EPS8: variants seen among roughly 807,000 people sequenced by gnomAD.
EPS8 encodes epidermal growth factor receptor kinase substrate 8.
In EPS8, 42 loss-of-function variants were observed where a neutral mutation model predicts 103.8. The ratio of observed to expected loss-of-function variants is 0.40; its 90% CI spans 0.32 to 0.52. The LOEUF is 0.52. Among genes scored for constraint, EPS8 ranks in the 20% least tolerant of loss-of-function variants. The probability of loss-of-function intolerance (pLI) is 0.40; values close to 1 mark genes in which losing one functional copy is unlikely to be tolerated. For synonymous variants in EPS8, 344 were observed against 344.6 expected (o/e 1.00, Z 0.02); for missense variants, 969 against 1,005.1 (o/e 0.96, Z 0.49).
intron 1 of EPS8, among the ~76,000 whole-genome samples, chr12:15,694,835 TTGAC>T (rs1415845755): frequency 1.3e-5 from 2 of 152,198 alleles, no homozygotes; most frequent in South Asian, 4.1e-4. Context: ...AATATAAGCT[TTGAC>T]TGTGAATAGC....
chr12:15,662,055 TCTCA>T lies in EPS8; in HGVS notation c.777_780del (p.Glu260Ter). 32 of 1,613,976 alleles carry T rather than the reference TCTCA, an allele frequency of 2.0e-5. No homozygotes were observed. Among genetic ancestry groups the T allele is most frequent in the Non-Finnish European group, 2.7e-5 (32 of 1,179,828 alleles). On this transcript the variant is annotated frameshift_variant, in exon 9 of 21. Transcript: ENST00000281172. LOFTEE classifies it high-confidence loss of function. Reference sequence around the variant, plus strand: ...TCTCTGTCAATGCGGGCTGCCATCATCTCAGGTGTTTCTTCCTGCTCATGATACT... The same window carrying T: ...TCTCTGTCAATGCGGGCTGCCATCATGGTGTTTCTTCCTGCTCATGATACT...
chr12:15,665,550 C>T, intron 8 of EPS8: 2 of 545,600 alleles, frequency 3.7e-6, no homozygotes, highest in Non-Finnish European at 6.4e-6. Flanking sequence ...ATGCTGGTCT[C>T]AAACTCCTGA....
chr12:15,641,376 T>G (rs1165888444), intron 16 of EPS8, among the ~76,000 whole-genome samples: 1 of 111,554 alleles, frequency 9.0e-6, no homozygotes, highest in Admixed American at 9.0e-5. Flanking sequence ...AAAAAAAGAA[T>G]GTTGTCTCTT....
chr12:15,647,953 C>G (rs1351205781), intron 14 of EPS8, among the ~76,000 whole-genome samples: 1 of 152,206 alleles, frequency 6.6e-6, no homozygotes, highest in Non-Finnish European at 1.5e-5. Context: ...TGTTCCTCCT[C>G]AGATCATCAG....
chr12:15,702,187 A>G lies in EPS8; in HGVS notation c.-21-19215T>C, dbSNP rs887161533. On this transcript the variant is annotated intron_variant, in intron 1 of 20. Coordinates refer to ENST00000281172, the MANE Select transcript of EPS8 (RefSeq NM_004447.6). The surrounding 1 kb of genome is among the most constrained non-coding windows in gnomAD (Gnocchi z 5.1). ...GTGCTTAGAGCAGCAGCCTAAGGAAACAGAATATATTCCCCCTGTTAACAC... is the reference window on the plus strand; with the variant it reads ...GTGCTTAGAGCAGCAGCCTAAGGAAGCAGAATATATTCCCCCTGTTAACAC... 6.6e-6 allele frequency among the ~76,000 whole-genome samples: 1 copy of G among 152,192 alleles called. No homozygotes were observed. The highest frequency in any genetic ancestry group is 2.4e-5 in the African/African-American group (1 of 41,440).
Position 15,769,315 on chromosome 12 carries a change from C to A in EPS8, c.-22+19846G>T, listed in dbSNP as rs1050870643. 1.3e-5 allele frequency among the ~76,000 whole-genome samples: 2 copies of A among 152,098 alleles called. No individual in the cohort carries two copies. Among genetic ancestry groups the A allele is most frequent in the Non-Finnish European group, 2.9e-5 (2 of 68,020 alleles). ...TCATTATTAACATAAAATTGTAACT[C>A]TACTTTTGCCAATTTTATCAAGACT... On this transcript the variant is annotated intron_variant, in intron 1 of 20. Coordinates refer to ENST00000281172, the MANE Select transcript of EPS8 (RefSeq NM_004447.6). This position sits in a 1 kb window ranked among gnomAD's most constrained non-coding sequence, Gnocchi z 4.6.
rs1318312221 is a variant in EPS8 at position 15,747,837 on chromosome 12, G to A, written c.-22+41324C>T. Among the ~76,000 whole-genome samples the A allele has an allele frequency of 1.3e-5, 2 of 152,030 alleles. No individual in the cohort carries two copies. The highest frequency in any genetic ancestry group is 2.9e-5 in the Non-Finnish European group (2 of 68,008). ...AGATCGAGACCATCCTGGCTAACAC[G>A]GTGAAACCCCGTCTCTACTAAAAAT... On this transcript the variant is annotated intron_variant, in intron 1 of 20. Coordinates refer to ENST00000281172, the MANE Select transcript of EPS8 (RefSeq NM_004447.6). The surrounding 1 kb of genome is among the most constrained non-coding windows in gnomAD (Gnocchi z 4.4).
In EPS8 at chr12:15,778,223, C is replaced by G. The variant is rs981957266; in HGVS notation, c.-22+10938G>C. On this transcript the variant is annotated intron_variant, in intron 1 of 20. Transcript: ENST00000281172. The surrounding 1 kb of genome is among the most constrained non-coding windows in gnomAD (Gnocchi z 4.5). ...GAGAATTAATGCACACGAAAATCTT[C>G]AGAGGGTGATTTTCAACAATGATTA... is the stretch of plus-strand genomic sequence containing the variant. Among the ~76,000 whole-genome samples, 1 of 152,136 alleles carries G rather than the reference C, an allele frequency of 6.6e-6. No homozygotes were observed. The highest frequency in any genetic ancestry group is 2.4e-5 in the African/African-American group (1 of 41,444).
Position 15,780,359 on chromosome 12 carries a change from T to G in EPS8, c.-22+8802A>C, listed in dbSNP as rs879900966. Among the ~76,000 whole-genome samples, 1 of 151,952 alleles carries G rather than the reference T, an allele frequency of 6.6e-6. No individual in the cohort carries two copies. Among genetic ancestry groups the G allele is most frequent in the Non-Finnish European group, 1.5e-5 (1 of 68,018 alleles). ...GCTCATCTTTCTACCTGGAGAGAGATGAGCGTCTCGCTTTGCCTCAAAAAT... is the reference window on the plus strand; with the variant it reads ...GCTCATCTTTCTACCTGGAGAGAGAGGAGCGTCTCGCTTTGCCTCAAAAAT... On this transcript the variant is annotated intron_variant, in intron 1 of 20. Transcript: ENST00000281172. The surrounding 1 kb of genome is among the most constrained non-coding windows in gnomAD (Gnocchi z 4.1).
chr12:15,718,132 G>A (rs984304132), intron 1 of EPS8, among the ~76,000 whole-genome samples: 3 of 152,244 alleles, frequency 2.0e-5, no homozygotes, highest in Admixed American at 2.0e-4. Flanking sequence ...TATAACCTTT[G>A]GTGAGTAACT....
intron 13 of EPS8, among the ~76,000 whole-genome samples, chr12:15,651,524 A>C (rs1411088228): frequency 1.3e-5 from 2 of 152,192 alleles, no homozygotes; most frequent in Non-Finnish European, 2.9e-5. Context: ...CCTAAACTGA[A>C]ACAGATGGCC....
chr12:15,688,763 C>T lies in EPS8; in HGVS notation c.-21-5791G>A, dbSNP rs1946130864. 6.6e-6 allele frequency among the ~76,000 whole-genome samples: 1 copy of T among 152,156 alleles called. No individual in the cohort carries two copies. Among genetic ancestry groups the T allele is most frequent in the African/African-American group, 2.4e-5 (1 of 41,430 alleles). Reference sequence around the variant, plus strand: ...CTCTAAGCCCACGTGTGATCCGATTCTTCCCATACGCCAAGGCAATAACCC... The same window carrying T: ...CTCTAAGCCCACGTGTGATCCGATTTTTCCCATACGCCAAGGCAATAACCC... On this transcript the variant is annotated intron_variant, in intron 1 of 20. Coordinates refer to ENST00000281172, the MANE Select transcript of EPS8 (RefSeq NM_004447.6). This position sits in a 1 kb window ranked among gnomAD's most constrained non-coding sequence, Gnocchi z 5.1.
rs2136015587 is a variant in EPS8 at position 15,748,639 on chromosome 12, T to G, written c.-22+40522A>C. ...AAACACGTAGCTTTCATTCCTTTCA[T>G]CTGATATAAAGAAAAGAAAATATGC... On this transcript the variant is annotated intron_variant, in intron 1 of 20. Transcript: ENST00000281172. This position sits in a 1 kb window ranked among gnomAD's most constrained non-coding sequence, Gnocchi z 4.8. Among the ~76,000 whole-genome samples the G allele has an allele frequency of 6.6e-6, 1 of 152,316 alleles. No homozygotes were observed. Among genetic ancestry groups the G allele is most frequent in the Admixed American group, 6.5e-5 (1 of 15,306 alleles).
rs1358705146 is a variant in EPS8 at position 15,717,448 on chromosome 12, G to A, written c.-21-34476C>T. Among the ~76,000 whole-genome samples the A allele has an allele frequency of 6.6e-6, 1 of 152,012 alleles. No homozygotes were observed. Among genetic ancestry groups the A allele is most frequent in the Non-Finnish European group, 1.5e-5 (1 of 67,978 alleles). On this transcript the variant is annotated intron_variant, in intron 1 of 20. Coordinates refer to ENST00000281172, the MANE Select transcript of EPS8 (RefSeq NM_004447.6). This position sits in a 1 kb window ranked among gnomAD's most constrained non-coding sequence, Gnocchi z 4.3. ...CTAAAAATACAAAAATTAGCTGGGCGCGGTGGCACGTGCCTGTAATCCCAG... is the reference window on the plus strand; with the variant it reads ...CTAAAAATACAAAAATTAGCTGGGCACGGTGGCACGTGCCTGTAATCCCAG...
chr12:15,623,878 T>G (rs530777616), intron 19 of EPS8, among the ~76,000 whole-genome samples: 1 of 152,190 alleles, frequency 6.6e-6, no homozygotes, highest in African/African-American at 2.4e-5. Context: ...CTATGTCCTA[T>G]GTGGTCTAGG....
rs1946199952 is a variant in EPS8, at chr12:15,693,349, C to T, written c.-21-10377G>A. On this transcript the variant is annotated intron_variant, in intron 1 of 20. Coordinates refer to ENST00000281172, the MANE Select transcript of EPS8 (RefSeq NM_004447.6). The surrounding 1 kb of genome is among the most constrained non-coding windows in gnomAD (Gnocchi z 5.6). ...CCCTCTGTCTGTACCTTGGTATCCC[C>T]AACCGAGTTCTCTAGTTCACATTCT... 6.6e-6 allele frequency among the ~76,000 whole-genome samples: 1 copy of T among 152,216 alleles called. No homozygotes were observed. Among genetic ancestry groups the T allele is most frequent in the South Asian group, 2.1e-4 (1 of 4,836 alleles).
chr12:15,722,839 A>G (rs1221048284), intron 1 of EPS8, among the ~76,000 whole-genome samples: 1 of 152,054 alleles, frequency 6.6e-6, no homozygotes, highest in East Asian at 1.9e-4. Flanking sequence ...TCCATCACTT[A>G]ATCACCTTCC....
At chr12:15,624,494 C>T (rs1944913065) in intron 18 of EPS8, 87 bp from the exon 19 acceptor site, 1 of 996,322 alleles carries the variant, frequency 1.0e-6, no homozygotes, top group Non-Finnish European at 1.5e-6. Flanking sequence ...TAATCCTTGA[C>T]CCCAGTAGGA....
chr12:15,722,762 C>T (rs1412968087), intron 1 of EPS8, among the ~76,000 whole-genome samples: 2 of 152,190 alleles, frequency 1.3e-5, no homozygotes, highest in Non-Finnish European at 2.9e-5. Context: ...AGTGTCCTCA[C>T]ATGGCAGAAG....
Sources: gnomAD v4.1 joint callset for allele counts (sites outside exome capture counted in the v4.1 genomes callset) on GRCh38, gnomAD v4.1.1 for gene constraint, Gnocchi (gnomAD v3.1) non-coding constraint, MANE v1.5 for transcripts, NCBI Gene and HGNC (gene_info 2026-07-23, HGNC 2026-07-21) for gene names.